Variants in NEGR1 observed in about 807,000 individuals in gnomAD.
NEGR1 encodes the protein IgLON family member 4.
NEGR1 carries 10 observed loss-of-function variants against 40.9 expected under a neutral mutation model. That is an observed-to-expected ratio of 0.24 (90% CI 0.15 to 0.42). The LOEUF is 0.42. NEGR1 is among the 10% of genes least tolerant of loss of function. NEGR1 has a pLI of 1.00. For missense variants in NEGR1, 352 were observed against 438.9 expected, an observed-to-expected ratio of 0.80 and a Z score of 1.77; for synonymous variants, 185 against 166.8, an observed-to-expected ratio of 1.11 and a Z score of -0.84.
At chr1:72,218,376 A>C (rs570792478) in intron 1 of NEGR1, among the ~76,000 whole-genome samples, 1 of 152,024 alleles carries the variant, frequency 6.6e-6, no homozygotes, top group African/African-American at 2.4e-5. Context: ...AAGTAAGAAA[A>C]AAAAGTAAGA....
intron 3 of NEGR1, among the ~76,000 whole-genome samples, chr1:71,771,325 C>T (rs1374728120): frequency 6.6e-6 from 1 of 152,008 alleles, no homozygotes; most frequent in Non-Finnish European, 1.5e-5. Flanking sequence ...GTAGAGATAG[C>T]ATTAGGAGAA....
intron 6 of NEGR1, among the ~76,000 whole-genome samples, chr1:71,478,940 C>T (rs1646838319): frequency 6.6e-6 from 1 of 151,964 alleles, no homozygotes; most frequent in Admixed American, 6.6e-5. Flanking sequence ...AATCCAGTGC[C>T]TCTGGTCTAT....
intron 4 of NEGR1, among the ~76,000 whole-genome samples, chr1:71,647,366 C>T (rs896846713): frequency 4.0e-5 from 6 of 151,840 alleles, no homozygotes; most frequent in Non-Finnish European, 8.8e-5. Context: ...GCCAAAATTT[C>T]GCTCAATTCA....
At chr1:71,445,721 C>T (rs1186803689) in intron 6 of NEGR1, among the ~76,000 whole-genome samples, 1 of 152,198 alleles carries the variant, frequency 6.6e-6, no homozygotes, top group Non-Finnish European at 1.5e-5. Context: ...CAATATGCGT[C>T]TTCTTACGTA....
At chr1:72,253,904 G>A (rs537391311) in intron 1 of NEGR1, among the ~76,000 whole-genome samples, 2 of 152,244 alleles carry the variant, frequency 1.3e-5, no homozygotes, top group African/African-American at 4.8e-5. Flanking sequence ...AAGCTGAAAC[G>A]CAAGATTAAC....
chr1:71,780,721 A>G (rs753102543), intron 2 of NEGR1, among the ~76,000 whole-genome samples: 2 of 152,212 alleles, frequency 1.3e-5, no homozygotes, highest in Non-Finnish European at 2.9e-5. Context: ...CTGGTCTTCA[A>G]CTTTTATTTA....
chr1:71,534,602 T>A (rs1359555451), intron 6 of NEGR1, among the ~76,000 whole-genome samples: 1 of 151,770 alleles, frequency 6.6e-6, no homozygotes, highest in Non-Finnish European at 1.5e-5. Flanking sequence ...TATCAGACAT[T>A]GCAATTTGTT....
chr1:71,701,488 C>T lies in NEGR1; in HGVS notation c.536-3349G>A, dbSNP rs988852612. ...CTGCCTCTACTACAGTCTCAACTCTCTGACCACTCTACTGTTTTCTTCTTT... is the reference window on the plus strand; with the variant it reads ...CTGCCTCTACTACAGTCTCAACTCTTTGACCACTCTACTGTTTTCTTCTTT... On this transcript the variant is annotated intron_variant, in intron 3 of 6. Transcript: ENST00000357731. Among the ~76,000 whole-genome samples, 11 of 152,066 alleles carry T rather than the reference C, an allele frequency of 7.2e-5. 1 individual carries two copies. Among genetic ancestry groups the T allele is most frequent in the Admixed American group, 7.2e-4 (11 of 15,252 alleles).
intron 2 of NEGR1, among the ~76,000 whole-genome samples, chr1:71,919,736 A>G (rs1363321039): frequency 1.3e-5 from 2 of 152,208 alleles, no homozygotes; most frequent in Admixed American, 1.3e-4. Context: ...CACATTAGCC[A>G]AGAAAGCCTA....
intron 1 of NEGR1, among the ~76,000 whole-genome samples, chr1:72,156,825 T>C (rs1171854766): frequency 6.6e-6 from 1 of 152,204 alleles, no homozygotes; most frequent in East Asian, 1.9e-4. Context: ...TATTACTGTC[T>C]GCTTTTTAAA....
intron 1 of NEGR1, among the ~76,000 whole-genome samples, chr1:72,077,901 C>G (rs954795596): frequency 4.6e-5 from 7 of 151,936 alleles, no homozygotes; most frequent in Non-Finnish European, 2.9e-5. Flanking sequence ...GTCAACAACC[C>G]CTAGAAATTA....
At chr1:72,089,515 T>C (rs1488441999) in intron 1 of NEGR1, among the ~76,000 whole-genome samples, 1 of 152,182 alleles carries the variant, frequency 6.6e-6, no homozygotes, top group Non-Finnish European at 1.5e-5. Flanking sequence ...ACCAATATTA[T>C]ATTTGAAGCA....
chr1:71,581,439 G>A (rs1336768552), intron 6 of NEGR1, among the ~76,000 whole-genome samples: 1 of 152,136 alleles, frequency 6.6e-6, no homozygotes, highest in Non-Finnish European at 1.5e-5. Context: ...CAAAAAAGTT[G>A]CACAGGTTAT....
chr1:71,821,523 T>C (rs982804179), intron 2 of NEGR1, among the ~76,000 whole-genome samples: 1 of 151,984 alleles, frequency 6.6e-6, no homozygotes, highest in Non-Finnish European at 1.5e-5. Flanking sequence ...ACAAAAAAAG[T>C]TGAACAAAAT....
At chr1:71,505,603 T>C (rs1009550135) in intron 6 of NEGR1, among the ~76,000 whole-genome samples, 4 of 152,166 alleles carry the variant, frequency 2.6e-5, no homozygotes, top group Admixed American at 2.6e-4. Flanking sequence ...TTTAGTAAGA[T>C]AGTCCTATAA....
intron 1 of NEGR1, among the ~76,000 whole-genome samples, chr1:72,204,534 G>A (rs1310054108): frequency 1.3e-5 from 2 of 152,126 alleles, no homozygotes; most frequent in Non-Finnish European, 2.9e-5. Context: ...AGCTTTGAGG[G>A]AGAAATACTG....
chr1:71,442,927 C>G (rs919311830), intron 6 of NEGR1, among the ~76,000 whole-genome samples: 1 of 152,166 alleles, frequency 6.6e-6, no homozygotes, highest in South Asian at 2.1e-4. Context: ...CACTTTGCCC[C>G]CTCTGTTCTA....
intron 6 of NEGR1, among the ~76,000 whole-genome samples, chr1:71,528,469 A>G (rs575218933): frequency 6.6e-6 from 1 of 151,468 alleles, no homozygotes; most frequent in African/African-American, 2.4e-5. Context: ...ATGACAAACT[A>G]TATCCTTCAC....
intron 6 of NEGR1, among the ~76,000 whole-genome samples, chr1:71,433,603 G>T (rs549276731): frequency 1.3e-3 from 193 of 152,318 alleles, no homozygotes; most frequent in Non-Finnish European, 2.1e-3. Flanking sequence ...AGAAAATGAG[G>T]AAGATGCAAA....
Sources: gnomAD v4.1 joint callset for allele counts (sites outside exome capture counted in the v4.1 genomes callset) on GRCh38, gnomAD v4.1.1 for gene constraint, MANE v1.5 for transcripts, NCBI Gene and HGNC (gene_info 2026-07-23, HGNC 2026-07-21) for gene names.